The following PRKAR2B variants were observed in gnomAD, a reference collection of about 807,000 sequenced individuals.
PRKAR2B encodes protein kinase cAMP-dependent type II regulatory subunit beta, also known as cAMP-dependent protein kinase type II-beta regulatory subunit.
Under a neutral mutation model 49.9 loss-of-function variants are expected in PRKAR2B, and 14 were observed. The observed-to-expected ratio is 0.28, with a 90% confidence interval of 0.19 to 0.44. The LOEUF (loss-of-function observed/expected upper bound fraction) is 0.44. Ranked by LOEUF, PRKAR2B falls within the 20% of genes least tolerant of loss-of-function variation. The pLI, the probability that PRKAR2B is intolerant of heterozygous loss-of-function variation, is 1.00. For missense variants in PRKAR2B, 393 were observed against 537.9 expected (o/e 0.73, Z 2.67); for synonymous variants, 196 against 197.7 (o/e 0.99, Z 0.07).
At chr7:107,156,450 G>A (rs1426431483) in intron 8 of PRKAR2B, among the ~76,000 whole-genome samples, 3 of 151,840 alleles carry the variant, frequency 2.0e-5, no homozygotes, top group Admixed American at 6.6e-5. Context: ...GGGGGAAAAA[G>A]AAAGTATTAT....
At chr7:107,114,157 C>T (rs962281730) in intron 2 of PRKAR2B, among the ~76,000 whole-genome samples, 1 of 152,038 alleles carries the variant, frequency 6.6e-6, no homozygotes, top group African/African-American at 2.4e-5. Context: ...TGATTGAGTA[C>T]ACATACTTAA....
At position 107,044,843 on chromosome 7, in the gene PRKAR2B, G is replaced by A; in HGVS notation, c.-65G>A. The A allele has an allele frequency of 7.8e-7, 1 of 1,281,742 alleles. No individual in the cohort carries two copies. Among genetic ancestry groups the A allele is most frequent in the Admixed American group, 4.0e-5 (1 of 24,692 alleles). The allele number at this position is 1,281,742 out of a possible 1,614,324, so 79.4% of individuals were successfully genotyped here. On this transcript the variant is annotated 5_prime_UTR_variant, in exon 1 of 11. Coordinates refer to ENST00000265717, the MANE Select transcript of PRKAR2B (RefSeq NM_002736.3). ...GTAGGCGCTCGCTCGGCAGCCGCGGGGCCCTAGGCCGTGCCGGGGAGGGGG... is the reference window on the plus strand; with the variant it reads ...GTAGGCGCTCGCTCGGCAGCCGCGGAGCCCTAGGCCGTGCCGGGGAGGGGG...
At chr7:107,089,901 A>G (rs534617301) in intron 2 of PRKAR2B, among the ~76,000 whole-genome samples, 48 of 152,334 alleles carry the variant, frequency 3.2e-4, no homozygotes, top group African/African-American at 1.2e-3. Context: ...TTGTAATTCT[A>G]TTGACTAGTC....
intron 1 of PRKAR2B, among the ~76,000 whole-genome samples, chr7:107,057,517 T>C (rs554041420): frequency 6.6e-6 from 1 of 152,310 alleles, no homozygotes; most frequent in East Asian, 1.9e-4. Flanking sequence ...TAAGAGTAAT[T>C]ATGTGAAACA....
chr7:107,054,971 C>G (rs1793881941), intron 1 of PRKAR2B, among the ~76,000 whole-genome samples: 1 of 151,546 alleles, frequency 6.6e-6, no homozygotes, highest in African/African-American at 2.4e-5. Flanking sequence ...CATCCCCCAA[C>G]CCCACAACAG....
chr7:107,126,111 A>T (rs1795479730), intron 3 of PRKAR2B, among the ~76,000 whole-genome samples: 1 of 132,506 alleles, frequency 7.5e-6, no homozygotes, highest in South Asian at 2.5e-4. Flanking sequence ...AAAAAAAAAG[A>T]GGCCAGGCGC....
chr7:107,145,088 A>G (rs1031751610), intron 5 of PRKAR2B, among the ~76,000 whole-genome samples: 4 of 152,240 alleles, frequency 2.6e-5, no homozygotes, highest in African/African-American at 9.6e-5. Flanking sequence ...TAAAAAGACC[A>G]GAGTTAGATA....
chr7:107,094,753 A>G (rs1397574202), intron 2 of PRKAR2B, among the ~76,000 whole-genome samples: 1 of 152,236 alleles, frequency 6.6e-6, no homozygotes, highest in Non-Finnish European at 1.5e-5. Context: ...AGCACCATTT[A>G]TTAAATAGGG....
chr7:107,155,254 A>C (rs897978276), intron 8 of PRKAR2B, among the ~76,000 whole-genome samples: 1 of 152,144 alleles, frequency 6.6e-6, no homozygotes, highest in Non-Finnish European at 1.5e-5. Flanking sequence ...ACAGTGGTAG[A>C]GAATATATTA....
intron 2 of PRKAR2B, among the ~76,000 whole-genome samples, chr7:107,113,039 A>G (rs551954260): frequency 6.6e-6 from 1 of 152,166 alleles, no homozygotes; most frequent in Non-Finnish European, 1.5e-5. Flanking sequence ...GTCAAATGAT[A>G]CTTGTTCTGA....
chr7:107,107,492 C>T (rs185861478), intron 2 of PRKAR2B, among the ~76,000 whole-genome samples: 1 of 152,204 alleles, frequency 6.6e-6, no homozygotes, highest in Admixed American at 6.5e-5. Flanking sequence ...AATGAGTCCT[C>T]TGGGATGCTT....
chr7:107,083,128 C>A (rs1043363302), intron 2 of PRKAR2B, among the ~76,000 whole-genome samples: 1 of 151,166 alleles, frequency 6.6e-6, no homozygotes, highest in Non-Finnish European at 1.5e-5. Context: ...CTTGTAATCC[C>A]AGCAATTTGG....
chr7:107,069,277 C>G (rs995453821), intron 1 of PRKAR2B, among the ~76,000 whole-genome samples: 1 of 152,198 alleles, frequency 6.6e-6, no homozygotes, highest in African/African-American at 2.4e-5. Context: ...AGGATTAATG[C>G]ACTACACATC....
At chr7:107,105,980 T>TG (rs905702960) in intron 2 of PRKAR2B, among the ~76,000 whole-genome samples, 2 of 152,164 alleles carry the variant, frequency 1.3e-5, no homozygotes, top group African/African-American at 4.8e-5. Context: ...AGTTAGCTCA[T>TG]GGGGGGTTGA....
At position 107,121,856 on chromosome 7, in the gene PRKAR2B, T is replaced by C. The variant is rs143591268; in HGVS notation, c.344-96T>C. The C allele has an allele frequency of 3.9e-4, 245 of 633,818 alleles. No homozygotes were observed. In the African/African-American group the frequency reaches 4.3e-3, roughly 11 times the overall value. The allele number at this position is 633,818 out of a possible 1,614,324, so 39.3% of individuals were successfully genotyped here. A position where few individuals can be genotyped will look rare whatever the true frequency, so the allele number is the denominator to read the frequency against. On this transcript the variant is annotated intron_variant, in intron 2 of 10. Coordinates refer to ENST00000265717, the MANE Select transcript of PRKAR2B (RefSeq NM_002736.3). ...GGTGAATTAATGGTTTTTTATACCG[T>C]GGTACTCTTTTTGTTCATTAAGTGT...
intron 1 of PRKAR2B, among the ~76,000 whole-genome samples, chr7:107,048,745 T>G (rs1793747829): frequency 6.6e-6 from 1 of 152,192 alleles, no homozygotes; most frequent in Non-Finnish European, 1.5e-5. Flanking sequence ...TTTCCTACCT[T>G]TCCAAAGGAT....
chr7:107,078,258 C>G (rs1427424430), intron 2 of PRKAR2B: 1 of 151,290 alleles, frequency 6.6e-6, no homozygotes, highest in African/African-American at 2.4e-5. Flanking sequence ...GACTGCAGAG[C>G]TTGACATGAA....
intron 10 of PRKAR2B, 107 bp downstream of exon 10, chr7:107,157,431 C>A: frequency 7.4e-7 from 1 of 1,348,778 alleles, no homozygotes; most frequent in South Asian, 1.6e-5. Context: ...TTTTGTGGTC[C>A]CCACAAAAGG....
intron 5 of PRKAR2B, 127 bp from the exon 6 acceptor site, chr7:107,146,181 T>A: frequency 1.1e-6 from 1 of 937,136 alleles, no homozygotes; most frequent in South Asian, 1.8e-5. Context: ...GATTCCCCTT[T>A]ATTGTCATCG....
Sources: gnomAD v4.1 joint callset for allele counts (sites outside exome capture counted in the v4.1 genomes callset) on GRCh38, gnomAD v4.1.1 for gene constraint, MANE v1.5 for transcripts, NCBI Gene and HGNC (gene_info 2026-07-23, HGNC 2026-07-21) for gene names.